Variants in ATG16L2 observed in about 807,000 individuals in gnomAD.
The protein encoded by ATG16L2 is autophagy related 16 like 2, also known as protein Atg16l2.
ATG16L2 carries 77 observed loss-of-function variants against 84.7 expected under a neutral mutation model. That is an observed-to-expected ratio of 0.91 (90% CI 0.76 to 1.10). The LOEUF (loss-of-function observed/expected upper bound fraction) is 1.10. Among genes scored for constraint, ATG16L2 ranks in the 50% least tolerant of loss-of-function variants. ATG16L2 has a pLI of 0.00. For missense variants in ATG16L2, 782 were observed against 817.6 expected (o/e 0.96, Z 0.53); for synonymous variants, 361 against 342.8 (o/e 1.05, Z -0.59).
In ATG16L2 at chr11:72,817,759, G is replaced by A. The variant is rs376360091; in HGVS notation, c.222G>A (p.Glu74=). 6.8e-5 allele frequency: 109 copies of A among 1,613,590 alleles called. No homozygotes were observed. Among genetic ancestry groups the A allele is most frequent in the Non-Finnish European group, 8.8e-5 (104 of 1,179,984 alleles). ...CACCACTCTGATTGGTTGGCAGGGA[G>A]GAGTCAGAGCTTGACTCAGACCAAG... is the stretch of plus-strand genomic sequence containing the variant. ...VTPTTHQGPW[E]ESELDSDQVP... The change falls in exon 3 of 18, where the codon GAG becomes GAA. Residue 74 remains glutamate (E), a synonymous_variant. Transcript: ENST00000321297.
At chr11:72,818,480 G>C (rs1859809657) in intron 3 of ATG16L2, 2 of 152,194 alleles carry the variant, frequency 1.3e-5, no homozygotes, top group African/African-American at 4.8e-5. Flanking sequence ...GTCTCTAGCC[G>C]AGCCTTCTTT....
exon 6 of ATG16L2, chr11:72,843,563 A>T (rs1370188023): frequency 6.5e-7 from 1 of 1,541,546 alleles, no homozygotes. Context: ...GGACAAAATT[A>T]AAAAGGTTAG....
At chr11:72,843,419 A>G in exon 6 of ATG16L2, 1 of 1,608,488 alleles carries the variant, frequency 6.2e-7, no homozygotes, top group Non-Finnish European at 8.5e-7. Context: ...AAATGTCACA[A>G]GAAAGGGCGA....
At chr11:72,819,710 G>A (rs1048858695) in intron 3 of ATG16L2, among the ~76,000 whole-genome samples, 1 of 151,668 alleles carries the variant, frequency 6.6e-6, no homozygotes. Context: ...CATTGGATGC[G>A]CCAGAGGATG....
rs544552620 is a variant in ATG16L2 at position 72,829,436 on chromosome 11, A to G, written c.*46A>G. The G allele has an allele frequency of 1.4e-4, 226 of 1,591,394 alleles. 2 individuals are homozygous for G. In the South Asian group the frequency reaches 2.4e-3, roughly 17 times the overall value. On this transcript the variant is annotated 3_prime_UTR_variant, in exon 18 of 18. Coordinates refer to ENST00000321297, the MANE Select transcript of ATG16L2 (RefSeq NM_033388.2). ...GGCTGGAGCTCTTGCCCGAAGCCTG[A>G]AGCTTCCTTCGGCGCCATGCAGGGG...
chr11:72,822,500 C>G lies in ATG16L2; in HGVS notation c.667C>G (p.Gln223Glu), dbSNP rs1860071734. Residue 223 changes from glutamine (Q) to glutamate (E), a missense_variant, in exon 6 of 18, where the codon CAG becomes GAG. Transcript: ENST00000321297. The surrounding 1 kb of genome is among the most constrained non-coding windows in gnomAD (Gnocchi z 4.2). ...RERAKQARVS[Q>E]ELKKAAKRTV... is the part of the protein sequence containing the mutation. ...AAGGGCCAAGCAGGCGCGGGTGTCC[C>G]AGGAGCTGAAGAAGGCTGCCAAGCG... 2 of 1,613,126 alleles carry G rather than the reference C, an allele frequency of 1.2e-6. No homozygotes were observed. The highest frequency in any genetic ancestry group is 1.3e-5 in the African/African-American group (1 of 74,866).
At chr11:72,824,193 C>T (rs1261768716) in intron 8 of ATG16L2, 71 bp downstream of exon 8, 2 of 1,578,298 alleles carry the variant, frequency 1.3e-6, no homozygotes, top group Non-Finnish European at 1.7e-6. Flanking sequence ...TGGTCTGTGT[C>T]TGTGCCTCGA....
rs1370147387 is a variant in ATG16L2 at position 72,822,104 on chromosome 11, G to A, written c.453G>A (p.Gln151=). 1 of 1,537,954 alleles carries A rather than the reference G, an allele frequency of 6.5e-7. No homozygotes were observed. The highest frequency in any genetic ancestry group is 1.2e-5 in the South Asian group (1 of 84,238). Residue 151 remains glutamine, a synonymous_variant, in exon 5 of 18, where the codon CAG becomes CAA. Coordinates refer to ENST00000321297, the MANE Select transcript of ATG16L2 (RefSeq NM_033388.2). The surrounding 1 kb of genome is among the most constrained non-coding windows in gnomAD (Gnocchi z 4.2). ...QLREARAQQA[Q]QVEEWRAQNA... ...GAGAGGCGCGGGCGCAGCAGGCCCAGCAGGTGGAGGAGTGGCGGGCGCAGA... is the reference window on the plus strand; with the variant it reads ...GAGAGGCGCGGGCGCAGCAGGCCCAACAGGTGGAGGAGTGGCGGGCGCAGA...
intron 10 of ATG16L2, 31 bp downstream of exon 10, chr11:72,825,438 G>C (rs369352973): frequency 7.6e-6 from 12 of 1,569,114 alleles, no homozygotes; most frequent in South Asian, 1.1e-5. Flanking sequence ...GGCCAACTTG[G>C]TGCTTCTCTC....
chr11:72,830,968 T>C (rs939301194), downstream of ATG16L2, among the ~76,000 whole-genome samples: 2 of 152,212 alleles, frequency 1.3e-5, no homozygotes, highest in African/African-American at 4.8e-5. Flanking sequence ...GACATGCTTT[T>C]CTTTCTTCCC....
At chr11:72,832,154 C>A (rs1296949873), downstream of ATG16L2, among the ~76,000 whole-genome samples, 2 of 152,204 alleles carry the variant, frequency 1.3e-5, no homozygotes, top group African/African-American at 4.8e-5. Context: ...TTGCGTTTCT[C>A]CCTCATTTCA....
At position 72,821,722 on chromosome 11, in the gene ATG16L2, C is replaced by G; in HGVS notation, c.373C>G (p.Leu125Val). 5 of 1,537,540 alleles carry G rather than the reference C, an allele frequency of 3.3e-6. No homozygotes were observed. Among genetic ancestry groups the G allele is most frequent in the South Asian group, 2.4e-5 (2 of 83,916 alleles). The change falls in exon 4 of 18, where the codon CTG (leucine) becomes GTG (valine). Residue 125 changes from leucine (L) to valine (V), a missense_variant. Leu to Val is a conservative substitution (Grantham distance 32). Coordinates refer to ENST00000321297, the MANE Select transcript of ATG16L2 (RefSeq NM_033388.2). ...GGCCCTGGGCACGCTGGAGTCGGAGCTGCAGCAGAGGCAAAGCAGGTGAGG... is the reference window on the plus strand; with the variant it reads ...GGCCCTGGGCACGCTGGAGTCGGAGGTGCAGCAGAGGCAAAGCAGGTGAGG... Reference protein sequence around the residue: ...GAALGTLESELQQRQSRLAAL... With the variant: ...GAALGTLESEVQQRQSRLAAL...
chr11:72,828,677 G>T, intron 15 of ATG16L2, 52 bp from the exon 16 acceptor site: 1 of 1,610,482 alleles, frequency 6.2e-7, no homozygotes, highest in Non-Finnish European at 8.5e-7. Context: ...CACTGCAGAG[G>T]GCAGAGACTA....
At chr11:72,821,858 C>T in intron 4 of ATG16L2, 117 bp downstream of exon 4, 1 of 1,441,270 alleles carries the variant, frequency 6.9e-7, no homozygotes, top group Non-Finnish European at 9.2e-7. Context: ...TCCCCCCGAC[C>T]CCATCGGTTG....
chr11:72,816,854 A>C, intron 2 of ATG16L2, 27 bp downstream of exon 2: 1 of 1,594,608 alleles, frequency 6.3e-7, no homozygotes, highest in South Asian at 1.1e-5. Context: ...CCGTGGTCAC[A>C]AAGGGCTGCC....
chr11:72,839,015 C>T, intron 5 of ATG16L2: 1 of 649,984 alleles, frequency 1.5e-6, no homozygotes. Context: ...TGCTTTCAAC[C>T]TAGTCTTCAC....
chr11:72,840,802 C>T (rs1860901368), intron 5 of ATG16L2: 6 of 1,119,114 alleles, frequency 5.4e-6, no homozygotes, highest in East Asian at 4.9e-5. Flanking sequence ...ACAGGGGCCA[C>T]GGGGAAACAT....
intron 3 of ATG16L2, chr11:72,821,416 A>G (rs1859983747): frequency 1.5e-6 from 2 of 1,305,182 alleles, no homozygotes; most frequent in Non-Finnish European, 2.0e-6. Context: ...GGTTCCTAGT[A>G]GGGTCGCAGA....
intron 3 of ATG16L2, chr11:72,821,146 G>T: frequency 1.1e-6 from 1 of 886,400 alleles, no homozygotes; most frequent in Non-Finnish European, 1.4e-6. Context: ...TCTTAGCTAC[G>T]TGACTTTGGG....
Sources: allele counts gnomAD v4.1 joint callset (sites outside exome capture counted in the v4.1 genomes callset), GRCh38; gene constraint gnomAD v4.1.1; non-coding constraint Gnocchi (gnomAD v3.1); transcripts MANE v1.5; gene names NCBI Gene and HGNC (gene_info 2026-07-23, HGNC 2026-07-21).